Variants in ERCC6L2 observed in about 807,000 individuals in gnomAD.
ERCC6L2 encodes the protein ERCC excision repair 6 like 2.
ERCC6L2 carries 77 observed loss-of-function variants against 132.0 expected under a neutral mutation model. That is an observed-to-expected ratio of 0.58 (90% confidence interval 0.49 to 0.71). The LOEUF (loss-of-function observed/expected upper bound fraction) is 0.71. Ranked by LOEUF, ERCC6L2 falls within the 30% of genes least tolerant of loss-of-function variation. The pLI is 0.00. For synonymous variants in ERCC6L2, 583 were observed against 632.4 expected, an observed-to-expected ratio of 0.92 and a Z score of 1.17; for missense variants, 1,542 against 1,837.6, an observed-to-expected ratio of 0.84 and a Z score of 2.94.
At chr9:95,882,806 A>G (rs188635767) in intron 2 of ERCC6L2, among the ~76,000 whole-genome samples, 248 of 152,330 alleles carry the variant, frequency 1.6e-3, no homozygotes, top group African/African-American at 5.7e-3. Flanking sequence ...CAGATAGTTT[A>G]GACATGCACA....
At chr9:95,934,905 C>T (rs1168886492) in intron 11 of ERCC6L2, among the ~76,000 whole-genome samples, 1 of 152,126 alleles carries the variant, frequency 6.6e-6, no homozygotes, top group African/African-American at 2.4e-5. Flanking sequence ...AAGATGAGGA[C>T]ATTTCTTTTG....
rs190491189 is a variant in ERCC6L2, at chr9:96,012,992, T to G, written c.4442T>G (p.Ile1481Ser). The G allele has an allele frequency of 2.2e-5, 30 of 1,367,444 alleles. No homozygotes were observed. Among genetic ancestry groups the G allele is most frequent in the Admixed American group, 1.5e-4 (8 of 52,538 alleles). The allele number at this position is 1,367,444 out of a possible 1,614,324, so 84.7% of individuals were successfully genotyped here. A position where few individuals can be genotyped will look rare whatever the true frequency, so the allele number is the denominator to read the frequency against. The change falls in exon 19 of 19, where the codon ATC (isoleucine) becomes AGC (serine). Residue 1481 changes from isoleucine (I) to serine (S), a missense_variant. By Grantham distance (142) the Ile-to-Ser change is moderately radical (BLOSUM62 -2). Coordinates refer to ENST00000653738, the MANE Select transcript of ERCC6L2 (RefSeq NM_020207.7). The stretch of plus-strand genomic sequence containing the variant: ...CAGAGACCAAAAGATTTCTGGGACA[T>G]CTTGAATGAGCAGAATGATGAGAGT... Reference protein sequence around the residue: ...AKQRPKDFWDILNEQNDESLS... With the variant: ...AKQRPKDFWDSLNEQNDESLS...
At chr9:95,887,995 T>C (rs1007757657) in intron 2 of ERCC6L2, among the ~76,000 whole-genome samples, 4 of 151,926 alleles carry the variant, frequency 2.6e-5, no homozygotes, top group Admixed American at 2.6e-4. Flanking sequence ...TCTTTTGGCA[T>C]GTAGTTCTGA....
chr9:95,944,485 A>T (rs1830956206), intron 12 of ERCC6L2, among the ~76,000 whole-genome samples: 1 of 152,190 alleles, frequency 6.6e-6, no homozygotes, highest in Non-Finnish European at 1.5e-5. Flanking sequence ...ATCCCGTTGC[A>T]CTGTACTCTT....
chr9:96,023,089 G>A (rs1307550638), downstream of ERCC6L2, among the ~76,000 whole-genome samples: 1 of 152,058 alleles, frequency 6.6e-6, no homozygotes, highest in Non-Finnish European at 1.5e-5. Flanking sequence ...GTCAGCAGTG[G>A]TCTCCTTTCC....
chr9:95,926,040 C>G (rs143145675), intron 9 of ERCC6L2, among the ~76,000 whole-genome samples: 38 of 152,180 alleles, frequency 2.5e-4, no homozygotes, highest in Non-Finnish European at 4.4e-4. Flanking sequence ...CAAGGAGATA[C>G]CACTAGATAC....
intron 19 of ERCC6L2, among the ~76,000 whole-genome samples, chr9:96,029,163 G>A (rs576024470): frequency 6.6e-6 from 1 of 152,080 alleles, no homozygotes; most frequent in Non-Finnish European, 1.5e-5. Flanking sequence ...AATTAGCCGG[G>A]CGTGGTGGCA....
rs558195705 is a variant in ERCC6L2 at position 95,940,706 on chromosome 9, A to G, written c.1752-748A>G. Among the ~76,000 whole-genome samples, 5 of 151,692 alleles carry G rather than the reference A, an allele frequency of 3.3e-5. No individual in the cohort carries two copies. In the East Asian group the frequency reaches 7.7e-4, roughly 24 times the overall value. The stretch of plus-strand genomic sequence containing the variant: ...TTTGGTCTATCTTGGTGAATGTTCT[A>G]TAGGAACCAGGAAAAAAAAAGTGTG... On this transcript the variant is annotated intron_variant, in intron 11 of 18. Transcript: ENST00000653738.
chr9:95,937,289 C>T (rs1430576365), intron 11 of ERCC6L2, among the ~76,000 whole-genome samples: 1 of 152,054 alleles, frequency 6.6e-6, no homozygotes, highest in Non-Finnish European at 1.5e-5. Context: ...CATTTGCTAT[C>T]GTCACTATTT....
intron 17 of ERCC6L2, among the ~76,000 whole-genome samples, chr9:96,004,293 C>T (rs1449196735): frequency 1.3e-5 from 2 of 152,006 alleles, no homozygotes; most frequent in East Asian, 1.9e-4. Flanking sequence ...ATGGAAATAA[C>T]GTATTATTGC....
chr9:95,905,720 CA>C (rs1829000025), intron 3 of ERCC6L2, among the ~76,000 whole-genome samples: 2 of 152,196 alleles, frequency 1.3e-5, no homozygotes, highest in African/African-American at 4.8e-5. Flanking sequence ...TCACGTTCAG[CA>C]TGTTGATTTT....
intron 18 of ERCC6L2, among the ~76,000 whole-genome samples, chr9:96,005,089 G>A (rs1833822056): frequency 1.3e-5 from 2 of 152,158 alleles, no homozygotes; most frequent in East Asian, 1.9e-4. Context: ...CGAGGCGGGT[G>A]GATCACGAGG....
intron 12 of ERCC6L2, among the ~76,000 whole-genome samples, chr9:95,948,791 GAAAAAAA>G (rs55712485): frequency 3.7e-4 from 39 of 104,070 alleles, no homozygotes; most frequent in South Asian, 1.2e-3. Context: ...CAAGACATTA[GAAAAAAA>G]AAAAAAAAAA....
At chr9:95,952,740 C>T (rs1831398501) in intron 12 of ERCC6L2, among the ~76,000 whole-genome samples, 1 of 151,758 alleles carries the variant, frequency 6.6e-6, no homozygotes, top group Admixed American at 6.6e-5. Context: ...CTTGGGTGGC[C>T]AAGGCACGAG....
intron 17 of ERCC6L2, among the ~76,000 whole-genome samples, chr9:95,983,450 G>T (rs1394131114): frequency 6.6e-6 from 1 of 152,150 alleles, no homozygotes; most frequent in Non-Finnish European, 1.5e-5. Context: ...GATCTAAATA[G>T]TTAAAAAATA....
intron 19 of ERCC6L2, among the ~76,000 whole-genome samples, chr9:96,034,953 G>A (rs1834502627): frequency 6.6e-6 from 1 of 152,138 alleles, no homozygotes; most frequent in South Asian, 2.1e-4. Context: ...GAGATGGCTA[G>A]GGGAGAGCTC....
Position 96,013,941 on chromosome 9 carries a change from GTTC to G in ERCC6L2, c.*741_*743del, listed in dbSNP as rs1443238436. On this transcript the variant is annotated 3_prime_UTR_variant, in exon 19 of 19. Coordinates refer to ENST00000653738, the MANE Select transcript of ERCC6L2 (RefSeq NM_020207.7). ...TAAAGGTTTGTATAGTACTTTTGTA[GTTC>G]TTAAGTATGAAGAAATGGGTAAACT... is the stretch of plus-strand genomic sequence containing the variant. 1 of 152,118 alleles carries G rather than the reference GTTC, an allele frequency of 6.6e-6. No homozygotes were observed. Among genetic ancestry groups the G allele is most frequent in the Non-Finnish European group, 1.5e-5 (1 of 68,012 alleles). The allele number at this position is 152,118 out of a possible 1,614,324, so 9.4% of individuals were successfully genotyped here. A position where few individuals can be genotyped will look rare whatever the true frequency, so the allele number is the denominator to read the frequency against.
chr9:95,937,868 T>G (rs914150492), intron 11 of ERCC6L2, among the ~76,000 whole-genome samples: 1 of 151,592 alleles, frequency 6.6e-6, no homozygotes, highest in African/African-American at 2.4e-5. Context: ...TTGCTTCTTT[T>G]TCTAGTTTCT....
chr9:95,978,176 T>G lies in ERCC6L2; in HGVS notation c.3453T>G (p.Phe1151Leu). 7.3e-7 allele frequency: 1 copy of G among 1,366,884 alleles called. No homozygotes were observed. Among genetic ancestry groups the G allele is most frequent in the Non-Finnish European group, 9.8e-7 (1 of 1,021,540 alleles). The allele number at this position is 1,366,884 out of a possible 1,614,324, so 84.7% of individuals were successfully genotyped here. ...AAHDVFELKQ[F>L]SQLPANIAVC... is the part of the protein sequence containing the mutation. ...ATGACGTATTTGAGTTGAAGCAGTTTTCTCAGCTGCCTGCTAACATAGCTG... is the reference window on the plus strand; with the variant it reads ...ATGACGTATTTGAGTTGAAGCAGTTGTCTCAGCTGCCTGCTAACATAGCTG... Residue 1151 changes from phenylalanine (F) to leucine (L), a missense_variant, in exon 17 of 19, where the codon TTT (phenylalanine) becomes TTG (leucine). Transcript: ENST00000653738.
Sources: gnomAD v4.1 joint callset for allele counts (sites outside exome capture counted in the v4.1 genomes callset) on GRCh38, gnomAD v4.1.1 for gene constraint, MANE v1.5 for transcripts, NCBI Gene and HGNC (gene_info 2026-07-23, HGNC 2026-07-21) for gene names.